Variants in FAS observed in about 807,000 individuals in gnomAD.
FAS encodes the protein Fas cell surface death receptor, also known as tumor necrosis factor receptor superfamily member 6.
A neutral mutation model predicts 33.2 loss-of-function variants in FAS; 5 were observed. That is an observed-to-expected ratio of 0.15 (90% CI 0.08 to 0.32). The LOEUF (loss-of-function observed/expected upper bound fraction) is 0.32, where lower values mean the gene tolerates loss of function less well. Among genes scored for constraint, FAS ranks in the 10% least tolerant of loss-of-function variants. The pLI, the probability that FAS is intolerant of heterozygous loss-of-function variation, is 1.00. For missense variants in FAS, 339 were observed against 386.0 expected, an observed-to-expected ratio of 0.88 and a Z score of 1.02; for synonymous variants, 131 against 130.7, an observed-to-expected ratio of 1.00 and a Z score of -0.01.
intron 7 of FAS, chr10:89,012,775 T>C (rs1848597338): frequency 6.5e-6 from 1 of 154,072 alleles, no homozygotes. Context: ...AGGGCACAGC[T>C]TAACTTTCTC....
intron 1 of FAS, among the ~76,000 whole-genome samples, chr10:88,969,382 T>C (rs1846382366): frequency 6.6e-6 from 1 of 152,230 alleles, no homozygotes; most frequent in Non-Finnish European, 1.5e-5. Flanking sequence ...AACTCATGCT[T>C]GTAAGGCTGA....
intron 3 of FAS, 35 bp from the exon 4 acceptor site, chr10:89,008,854 C>T (rs376369826): frequency 3.5e-5 from 55 of 1,585,522 alleles, no homozygotes; most frequent in East Asian, 6.7e-5. Context: ...TATAATTAGC[C>T]GCTATAACTA....
upstream of FAS, among the ~76,000 whole-genome samples, chr10:88,987,550 A>C (rs1846939893): frequency 6.6e-6 from 1 of 152,206 alleles, no homozygotes; most frequent in African/African-American, 2.4e-5. Flanking sequence ...TTCACAACCA[A>C]CCACATCAGT....
upstream of FAS, among the ~76,000 whole-genome samples, chr10:88,989,288 T>A (rs1847025982): frequency 1.3e-5 from 2 of 152,188 alleles, no homozygotes; most frequent in African/African-American, 4.8e-5. Flanking sequence ...CTTCCATTCC[T>A]TCTTCCCTTA....
chr10:88,971,912 C>CT (rs547839484), intron 1 of FAS, among the ~76,000 whole-genome samples: 1,638 of 139,960 alleles, frequency 0.012, 14 homozygotes, highest in African/African-American at 0.029. Context: ...AAGGGGACTA[C>CT]TTTTTTTTTT....
At chr10:88,997,654 T>C (rs1287002169) in intron 1 of FAS, among the ~76,000 whole-genome samples, 1 of 152,228 alleles carries the variant, frequency 6.6e-6, no homozygotes, top group African/African-American at 2.4e-5. Context: ...TATATCCCTG[T>C]TTTTTACACA....
intron 2 of FAS, among the ~76,000 whole-genome samples, chr10:89,003,707 C>CT (rs942280186): frequency 8.6e-4 from 128 of 149,660 alleles, no homozygotes; most frequent in Admixed American, 1.8e-3. Flanking sequence ...AAACCAACAG[C>CT]TTTTTTTTTT....
At chr10:89,009,038 C>T in intron 4 of FAS, 41 bp downstream of exon 4, 2 of 1,486,394 alleles carry the variant, frequency 1.3e-6, no homozygotes, top group African/African-American at 1.4e-5. Context: ...CTAGATATAA[C>T]ATGAGAGTTA....
At chr10:89,011,700 G>A (rs975936119) in intron 6 of FAS, among the ~76,000 whole-genome samples, 2 of 152,156 alleles carry the variant, frequency 1.3e-5, no homozygotes, top group African/African-American at 4.8e-5. Context: ...TAGTCTTGCC[G>A]TCCACATCTT....
chr10:88,973,509 G>A lies in FAS; in HGVS notation n.260+162G>A, dbSNP rs1014282167. 5 of 556,474 alleles carry A rather than the reference G, an allele frequency of 9.0e-6. No homozygotes were observed. The African/African-American group carries it at 9.7e-5, about 11-fold the overall frequency. 34.5% of individuals were successfully genotyped at this position (556,474 alleles called of 1,614,324 possible). On this transcript the variant is annotated intron_variant and non_coding_transcript_variant, in intron 2 of 3. Coordinates refer to the FAS transcript ENST00000688239. The stretch of plus-strand genomic sequence containing the variant: ...TTTCTCAAGTACTCATGGATGTGAG[G>A]CCAGGTACCCTGTCACCTTGGCTCT...
chr10:88,969,104 A>T (rs113561688), intron 1 of FAS, among the ~76,000 whole-genome samples: 1 of 152,184 alleles, frequency 6.6e-6, no homozygotes. Context: ...CTCTCTTATT[A>T]AATAATACTC....
intron 1 of FAS, chr10:89,002,620 C>A: frequency 4.2e-6 from 1 of 239,938 alleles, no homozygotes; most frequent in Non-Finnish European, 8.3e-6. Context: ...TTGTTATGTG[C>A]CAGGTTCTGT....
At position 88,994,478 on chromosome 10, in the gene FAS, G is replaced by A. The variant is rs187058931; in HGVS notation, c.30+3572G>A. On this transcript the variant is annotated intron_variant, in intron 1 of 8. Coordinates refer to ENST00000652046, the MANE Select transcript of FAS (RefSeq NM_000043.6). ...AAAAAGCAACTTGAAACCAAATTTA[G>A]GACAGTGAACCCATCCCTTTCTTAT... Among the ~76,000 whole-genome samples the A allele has an allele frequency of 2.2e-4, 34 of 152,138 alleles. 1 individual carries two copies. The highest frequency in any genetic ancestry group is 2.2e-3 in the Admixed American group (34 of 15,292).
In FAS at chr10:89,013,327, AT is replaced by A. The variant is rs2133547234; in HGVS notation, c.652-10del. On this transcript the variant is annotated splice_polypyrimidine_tract_variant and intron_variant, in intron 7 of 8. Coordinates refer to ENST00000652046, the MANE Select transcript of FAS (RefSeq NM_000043.6). ...TTTTTATTTGTCTTTCTCTGCTTCC[AT>A]TTTTTGCTTTCTAGGAAACAGTGGC... The A allele has an allele frequency of 6.2e-7, 1 of 1,609,582 alleles. No individual in the cohort carries two copies. Among genetic ancestry groups the A allele is most frequent in the South Asian group, 1.1e-5 (1 of 90,590 alleles).
At chr10:88,965,392 T>A (rs1846301388) in intron 1 of FAS, among the ~76,000 whole-genome samples, 1 of 152,164 alleles carries the variant, frequency 6.6e-6, no homozygotes, top group African/African-American at 2.4e-5. Flanking sequence ...TTTCAGAAAG[T>A]TTCCCTAATT....
chr10:89,001,957 C>G (rs999611462), intron 1 of FAS, among the ~76,000 whole-genome samples: 1 of 152,164 alleles, frequency 6.6e-6, no homozygotes, highest in South Asian at 2.1e-4. Context: ...AGCTTCTTCC[C>G]AAGCTTCAGG....
At chr10:88,990,562 A>T, upstream of FAS, 1 of 643,646 alleles carries the variant, frequency 1.6e-6, no homozygotes, top group Non-Finnish European at 2.9e-6. This position sits in a 1 kb window ranked among gnomAD's most constrained non-coding sequence, Gnocchi z 4.9. Flanking sequence ...TTGCTGAATC[A>T]ATGGAGCCCT....
chr10:88,986,999 CTA>C (rs1846914938), upstream of FAS, among the ~76,000 whole-genome samples: 1 of 152,196 alleles, frequency 6.6e-6, no homozygotes, highest in Non-Finnish European at 1.5e-5. Flanking sequence ...GTGACAATGT[CTA>C]TATGATTAGA....
chr10:88,991,177 C>G, intron 1 of FAS: 2 of 579,118 alleles, frequency 3.5e-6, no homozygotes, highest in Non-Finnish European at 6.2e-6. Context: ...GGGGCAGCTC[C>G]GGCGCTCCTC....
Sources: gnomAD v4.1 joint callset for allele counts (sites outside exome capture counted in the v4.1 genomes callset) on GRCh38, gnomAD v4.1.1 for gene constraint, Gnocchi (gnomAD v3.1) non-coding constraint, MANE v1.5 for transcripts, NCBI Gene and HGNC (gene_info 2026-07-23, HGNC 2026-07-21) for gene names.